USP8: variants seen among roughly 807,000 people sequenced by gnomAD.
USP8 encodes the protein ubiquitin carboxyl-terminal hydrolase 8.
Under a neutral mutation model 130.0 loss-of-function variants are expected in USP8, and 27 were observed. That is an observed-to-expected ratio of 0.21 (90% CI 0.15 to 0.29). The LOEUF (loss-of-function observed/expected upper bound fraction) is 0.29, where lower values mean the gene tolerates loss of function less well. Among genes scored for constraint, USP8 ranks in the 10% least tolerant of loss-of-function variants. USP8 has a pLI of 1.00. For synonymous variants in USP8, 392 were observed against 444.1 expected (o/e 0.88, Z 1.48); for missense variants, 1,029 against 1,312.2 (o/e 0.78, Z 3.33).
rs900013674 is a variant in USP8, at chr15:50,498,687, C to G, written c.3130C>G (p.Pro1044Ala). 12 of 1,612,084 alleles carry G rather than the reference C, an allele frequency of 7.4e-6. No homozygotes were observed. The highest frequency in any genetic ancestry group is 9.3e-6 in the Non-Finnish European group (11 of 1,178,798). Residue 1044 changes from proline (P) to alanine (A), a missense_variant, in exon 19 of 20, where the codon CCA (proline) becomes GCA (alanine). Coordinates refer to ENST00000307179, the MANE Select transcript of USP8 (RefSeq NM_005154.5). ...NLDLSQYVIG[P>A]KNNLKKYNLF... The stretch of plus-strand genomic sequence containing the variant: ...TGACTTGTCACAGTATGTTATTGGT[C>G]CAAAGAACAATTTGAAGAAATATAA...
chr15:50,490,634 G>C, intron 14 of USP8, 109 bp downstream of exon 14: 1 of 1,343,970 alleles, frequency 7.4e-7, no homozygotes, highest in Admixed American at 2.6e-5. Context: ...TCTGTGGATG[G>C]CTATACCAGC....
chr15:50,477,259 T>G lies in USP8; in HGVS notation c.995-17T>G. The G allele has an allele frequency of 6.2e-7, 1 of 1,602,728 alleles. No homozygotes were observed. The highest frequency in any genetic ancestry group is 8.5e-7 in the Non-Finnish European group (1 of 1,175,758). ...GGTTTGCTATTCTAAAAAACATTTT[T>G]ATTTTTGGAATTTTAGTGGATTTTA... On this transcript the variant is annotated splice_polypyrimidine_tract_variant and intron_variant, in intron 9 of 19. Transcript: ENST00000307179.
chr15:50,472,689 TC>T (rs1281939836), intron 8 of USP8, among the ~76,000 whole-genome samples: 1 of 151,404 alleles, frequency 6.6e-6, no homozygotes, highest in Non-Finnish European at 1.5e-5. Context: ...GGCGGGCAGA[TC>T]ACCTGAGGTC....
Position 50,449,386 on chromosome 15 carries a change from T to G in USP8, c.250-14T>G, listed in dbSNP as rs2141265830. The G allele has an allele frequency of 1.3e-6, 2 of 1,544,592 alleles. No individual in the cohort carries two copies. Among genetic ancestry groups the G allele is most frequent in the East Asian group, 4.6e-5 (2 of 43,404 alleles). ...GAGAACTAACAATATGGGATGGTTT[T>G]CCTATAATTTTAGGATTATTTCCAT... On this transcript the variant is annotated splice_polypyrimidine_tract_variant and intron_variant, in intron 3 of 19. Transcript: ENST00000307179.
intron 1 of USP8, among the ~76,000 whole-genome samples, chr15:50,426,474 G>T (rs1342401156): frequency 1.3e-5 from 2 of 152,180 alleles, no homozygotes; most frequent in African/African-American, 4.8e-5. Context: ...TAGCTAAGTG[G>T]TTTTCACCTA....
chr15:50,461,599 A>G lies in USP8; in HGVS notation c.499-681A>G, dbSNP rs562564990. On this transcript the variant is annotated intron_variant, in intron 5 of 19. Coordinates refer to ENST00000307179, the MANE Select transcript of USP8 (RefSeq NM_005154.5). ...GCCGGGCACAGCGGCTCATGCCTAT[A>G]ATCCCAGCACTTTGGGAGGCTGAGG... Among the ~76,000 whole-genome samples, 3 of 152,364 alleles carry G rather than the reference A, an allele frequency of 2.0e-5. No individual in the cohort carries two copies. The South Asian group carries it at 6.2e-4, about 32-fold the overall frequency.
chr15:50,438,175 A>C (rs2050144536), intron 1 of USP8, among the ~76,000 whole-genome samples: 1 of 152,234 alleles, frequency 6.6e-6, no homozygotes, highest in Admixed American at 6.5e-5. Context: ...GGTGAGCAGC[A>C]GCCTTCCCAT....
rs776098087 is a variant in USP8 at position 50,492,683 on chromosome 15, A to G, written c.2235-18A>G. The G allele has an allele frequency of 1.2e-6, 2 of 1,609,308 alleles. No individual in the cohort carries two copies. Among genetic ancestry groups the G allele is most frequent in the Non-Finnish European group, 1.7e-6 (2 of 1,179,254 alleles). On this transcript the variant is annotated intron_variant, in intron 14 of 19. Coordinates refer to ENST00000307179, the MANE Select transcript of USP8 (RefSeq NM_005154.5). ...TGCTCAGCATTTTAAGACATCTTGT[A>G]TCCTTTTTCTTCCTCAGGCCAACAT...
At chr15:50,428,184 T>C (rs2049807316) in intron 1 of USP8, among the ~76,000 whole-genome samples, 1 of 152,132 alleles carries the variant, frequency 6.6e-6, no homozygotes, top group Non-Finnish European at 1.5e-5. Context: ...TGGCATGATC[T>C]CGGCTCACTG....
At position 50,458,984 on chromosome 15, in the gene USP8, T is replaced by C; in HGVS notation, c.336-16T>C. The stretch of plus-strand genomic sequence containing the variant: ...AACGCCAATAAAAGACAATCTTGAC[T>C]TATTTTTTCAACTAGATATGAAGAA... On this transcript the variant is annotated splice_polypyrimidine_tract_variant and intron_variant, in intron 4 of 19. Transcript: ENST00000307179. The C allele has an allele frequency of 6.2e-7, 1 of 1,611,562 alleles. No individual in the cohort carries two copies. Among genetic ancestry groups the C allele is most frequent in the South Asian group, 1.1e-5 (1 of 90,794 alleles).
intron 16 of USP8, among the ~76,000 whole-genome samples, 173 bp downstream of exon 16, chr15:50,494,453 T>C (rs1451106941): frequency 1.3e-5 from 2 of 152,260 alleles, no homozygotes; most frequent in Non-Finnish European, 2.9e-5. Flanking sequence ...TTGAAGCATA[T>C]ACAGTTGGTA....
At chr15:50,464,231 T>A (rs1037270442) in intron 6 of USP8, among the ~76,000 whole-genome samples, 2 of 152,194 alleles carry the variant, frequency 1.3e-5, no homozygotes, top group African/African-American at 4.8e-5. Context: ...TTTCAACCTC[T>A]GATGTAGAAT....
At chr15:50,495,006 G>C (rs949252227) in intron 16 of USP8, among the ~76,000 whole-genome samples, 3 of 145,884 alleles carry the variant, frequency 2.1e-5, no homozygotes, top group Non-Finnish European at 4.5e-5. Context: ...GCGACAGAGT[G>C]AGACTCTTTC....
chr15:50,440,797 G>A (rs1182204168), intron 2 of USP8, among the ~76,000 whole-genome samples: 1 of 152,078 alleles, frequency 6.6e-6, no homozygotes, highest in African/African-American at 2.4e-5. Flanking sequence ...GAGGTCAGGA[G>A]TTCAAGACCA....
chr15:50,482,948 C>T (rs981009503), intron 11 of USP8, among the ~76,000 whole-genome samples: 2 of 152,176 alleles, frequency 1.3e-5, no homozygotes, highest in African/African-American at 4.8e-5. Flanking sequence ...ATCTGGTAAC[C>T]TCTGCTATTA....
At chr15:50,436,303 C>A (rs2050088878) in intron 1 of USP8, among the ~76,000 whole-genome samples, 1 of 150,976 alleles carries the variant, frequency 6.6e-6, no homozygotes. Context: ...CTTTGAAAAA[C>A]CTTCCCCCAC....
chr15:50,492,081 CA>C (rs759582224), intron 14 of USP8, among the ~76,000 whole-genome samples: 1 of 152,052 alleles, frequency 6.6e-6, no homozygotes, highest in East Asian at 1.9e-4. Flanking sequence ...AGGCTGGTCT[CA>C]AACTCCTGAC....
intron 5 of USP8, 86 bp from the exon 6 acceptor site, chr15:50,462,194 T>C (rs553768806): frequency 1.6e-5 from 18 of 1,159,894 alleles, no homozygotes; most frequent in Admixed American, 7.0e-5. Context: ...TCTTAGAGTT[T>C]CCATTTAAGA....
At chr15:50,426,300 T>G (rs1054801681) in intron 1 of USP8, among the ~76,000 whole-genome samples, 4 of 152,214 alleles carry the variant, frequency 2.6e-5, no homozygotes, top group African/African-American at 9.6e-5. Flanking sequence ...AAAAAATGTC[T>G]TCAGGTATGT....
Sources: allele counts gnomAD v4.1 joint callset (sites outside exome capture counted in the v4.1 genomes callset), GRCh38; gene constraint gnomAD v4.1.1; transcripts MANE v1.5; gene names NCBI Gene and HGNC (gene_info 2026-07-23, HGNC 2026-07-21).